The following DNAH5 variants were observed in gnomAD, a reference collection of about 807,000 sequenced individuals.
DNAH5 encodes dynein axonemal heavy chain 5, also known as axonemal beta dynein heavy chain 5.
A neutral mutation model predicts 518.2 loss-of-function variants in DNAH5; 372 were observed. The ratio of observed to expected loss-of-function variants is 0.72; its 90% CI spans 0.66 to 0.78. The LOEUF is 0.78. Ranked by LOEUF, DNAH5 falls within the 30% of genes least tolerant of loss-of-function variation. The pLI, the probability that DNAH5 is intolerant of heterozygous loss-of-function variation, is 0.00. For missense variants in DNAH5, 5,523 were observed against 5,687.0 expected, an observed-to-expected ratio of 0.97 and a Z score of 0.93; for synonymous variants, 2,039 against 2,025.9, an observed-to-expected ratio of 1.01 and a Z score of -0.17.
At chr5:13,902,286 A>G in intron 12 of DNAH5, 148 bp from the exon 13 acceptor site, 1 of 657,212 alleles carries the variant, frequency 1.5e-6, no homozygotes, top group South Asian at 1.8e-5. Context: ...AGAAAAATAA[A>G]TGCCCAGAAG....
At chr5:13,901,968 T>C in intron 13 of DNAH5, 85 bp downstream of exon 13, 1 of 1,018,532 alleles carries the variant, frequency 9.8e-7, no homozygotes, top group Non-Finnish European at 1.5e-6. Flanking sequence ...TCCATCAGAA[T>C]ATGAAATAAT....
Position 13,914,657 on chromosome 5 carries a change from T to C in DNAH5, c.1198-15A>G. On this transcript the variant is annotated splice_polypyrimidine_tract_variant and intron_variant, in intron 9 of 78. Coordinates refer to ENST00000265104, the MANE Select transcript of DNAH5 (RefSeq NM_001369.3). ...TGATTTGTCACCTGGGATTTTCCAA[T>C]AAAATGATGTTAAGCACATAAAACA... is the stretch of plus-strand genomic sequence containing the variant. 6.2e-7 allele frequency: 1 copy of C among 1,611,996 alleles called. No homozygotes were observed. Among genetic ancestry groups the C allele is most frequent in the Non-Finnish European group, 8.5e-7 (1 of 1,178,482 alleles).
chr5:13,700,421 TAG>T (rs1741940750), intron 78 of DNAH5, among the ~76,000 whole-genome samples: 1 of 152,200 alleles, frequency 6.6e-6, no homozygotes, highest in East Asian at 1.9e-4. Flanking sequence ...TCTGCTTTAT[TAG>T]ATAAGCAAGT....
At chr5:13,759,857 T>C (rs183324887) in intron 60 of DNAH5, among the ~76,000 whole-genome samples, 34 of 152,354 alleles carry the variant, frequency 2.2e-4, no homozygotes, top group Non-Finnish European at 4.4e-4. Flanking sequence ...CTTTCTGAAG[T>C]ATTTGAGAAA....
chr5:13,954,670 T>G (rs752077672), intron 1 of DNAH5, among the ~76,000 whole-genome samples: 1 of 152,198 alleles, frequency 6.6e-6, no homozygotes, highest in Non-Finnish European at 1.5e-5. Flanking sequence ...TTCCTCCCCC[T>G]TTCCCAAAGT....
At chr5:13,887,881 T>C (rs1222311690) in intron 17 of DNAH5, among the ~76,000 whole-genome samples, 4 of 152,008 alleles carry the variant, frequency 2.6e-5, no homozygotes, top group Non-Finnish European at 5.9e-5. Context: ...GAATTCATGG[T>C]CCCCAAACTC....
At chr5:13,749,729 C>T (rs561553472) in intron 65 of DNAH5, among the ~76,000 whole-genome samples, 3 of 152,200 alleles carry the variant, frequency 2.0e-5, no homozygotes, top group Non-Finnish European at 4.4e-5. Flanking sequence ...ACAGAGGTGG[C>T]CCAAAAGACC....
chr5:13,882,166 T>C (rs1205920989), intron 21 of DNAH5, among the ~76,000 whole-genome samples: 1 of 151,996 alleles, frequency 6.6e-6, no homozygotes, highest in Non-Finnish European at 1.5e-5. Flanking sequence ...AAATCAGTAA[T>C]TTAAAGTCTA....
chr5:13,782,924 T>C (rs1328091265), intron 52 of DNAH5, among the ~76,000 whole-genome samples: 3 of 152,164 alleles, frequency 2.0e-5, no homozygotes, highest in Admixed American at 6.5e-5. Flanking sequence ...CATCAGCAAG[T>C]ACTCAAAAAT....
chr5:13,794,148 T>C, intron 47 of DNAH5, 90 bp from the exon 48 acceptor site: 2 of 1,540,910 alleles, frequency 1.3e-6, no homozygotes, highest in South Asian at 1.1e-5. Context: ...CTGGTAACCT[T>C]TGAACTGATA....
rs559119697 is a variant in DNAH5 at position 13,784,715 on chromosome 5, A to G, written c.8820+1464T>C. Reference sequence around the variant, plus strand: ...AAATCATGGAAGACAGTGTCGAATCATTTTCTTTCTAACTAAAAGGATGTA... The same window carrying G: ...AAATCATGGAAGACAGTGTCGAATCGTTTTCTTTCTAACTAAAAGGATGTA... On this transcript the variant is annotated intron_variant, in intron 52 of 78. Transcript: ENST00000265104. Among the ~76,000 whole-genome samples, 40 of 152,300 alleles carry G rather than the reference A, an allele frequency of 2.6e-4. No homozygotes were observed. In the South Asian group the frequency reaches 7.2e-3, roughly 28 times the overall value.
At chr5:13,965,633 G>A (rs1009112199) in intron 1 of DNAH5, among the ~76,000 whole-genome samples, 8 of 152,068 alleles carry the variant, frequency 5.3e-5, no homozygotes, top group African/African-American at 1.4e-4. Context: ...GCAAAGTCCT[G>A]GAGAATTTCT....
chr5:13,891,465 G>A (rs1003663127), intron 16 of DNAH5, among the ~76,000 whole-genome samples: 38 of 152,108 alleles, frequency 2.5e-4, no homozygotes, highest in African/African-American at 7.7e-4. Flanking sequence ...TGGGGCCATC[G>A]TTCCTTCTCT....
chr5:13,769,265 T>G, intron 57 of DNAH5, 129 bp from the exon 58 acceptor site: 1 of 933,480 alleles, frequency 1.1e-6, no homozygotes, highest in Non-Finnish European at 1.6e-6. Flanking sequence ...TTTTTTTTTT[T>G]GAGATGGAGT....
At chr5:13,872,916 CA>C (rs962051671) in intron 22 of DNAH5, among the ~76,000 whole-genome samples, 10 of 151,982 alleles carry the variant, frequency 6.6e-5, no homozygotes, top group African/African-American at 2.4e-4. Flanking sequence ...CATGGACATA[CA>C]GAGCAGAATG....
chr5:13,969,673 C>T (rs1781747698), intron 1 of DNAH5, among the ~76,000 whole-genome samples: 2 of 152,082 alleles, frequency 1.3e-5, no homozygotes, highest in Non-Finnish European at 2.9e-5. Context: ...TGAGAGAGTA[C>T]TTGATATAAT....
chr5:13,761,246 G>A (rs1376385429), intron 60 of DNAH5, among the ~76,000 whole-genome samples: 26 of 152,266 alleles, frequency 1.7e-4, no homozygotes, highest in Admixed American at 1.6e-3. Flanking sequence ...TACTTAAAAT[G>A]ACAACAATAA....
intron 17 of DNAH5, among the ~76,000 whole-genome samples, chr5:13,889,805 A>G (rs1360447217): frequency 6.6e-6 from 1 of 152,160 alleles, no homozygotes; most frequent in Non-Finnish European, 1.5e-5. Flanking sequence ...GGGACTCCCC[A>G]GACACCACCT....
At chr5:13,744,282 A>T (rs1749027708) in intron 65 of DNAH5, among the ~76,000 whole-genome samples, 1 of 151,972 alleles carries the variant, frequency 6.6e-6, no homozygotes, top group South Asian at 2.1e-4. Context: ...GCTAAAAAAA[A>T]AATGTTGATC....
Sources: gnomAD v4.1 joint callset for allele counts (sites outside exome capture counted in the v4.1 genomes callset) on GRCh38, gnomAD v4.1.1 for gene constraint, MANE v1.5 for transcripts, NCBI Gene and HGNC (gene_info 2026-07-23, HGNC 2026-07-21) for gene names.